ANXA3: variants seen among roughly 807,000 people sequenced by gnomAD.
The protein encoded by ANXA3 is 35-alpha calcimedin.
A neutral mutation model predicts 48.8 loss-of-function variants in ANXA3; 46 were observed. That is an observed-to-expected ratio of 0.94 (90% CI 0.74 to 1.21). The LOEUF is 1.21. Ranked by LOEUF, ANXA3 falls within the 50% of genes most tolerant of loss-of-function variation. The pLI, the probability that ANXA3 is intolerant of heterozygous loss-of-function variation, is 0.00. For synonymous variants in ANXA3, 128 were observed against 134.7 expected (o/e 0.95, Z 0.35); for missense variants, 383 against 378.6 (o/e 1.01, Z -0.10).
chr4:78,607,345 G>T (rs1723669193), intron 12 of ANXA3, among the ~76,000 whole-genome samples: 1 of 152,086 alleles, frequency 6.6e-6, no homozygotes, highest in South Asian at 2.1e-4. Context: ...GTTCCATTTT[G>T]CATATCATCT....
intron 2 of ANXA3, among the ~76,000 whole-genome samples, chr4:78,559,215 G>A (rs1427006444): frequency 6.6e-6 from 1 of 152,008 alleles, no homozygotes; most frequent in African/African-American, 2.4e-5. Context: ...GAGTAGGTGG[G>A]ACCACAGGCA....
Position 78,595,379 on chromosome 4 carries a change from A to C in ANXA3, c.484-2A>C. 1 of 1,613,824 alleles carries C rather than the reference A, an allele frequency of 6.2e-7. No homozygotes were observed. The highest frequency in any genetic ancestry group is 8.5e-7 in the Non-Finnish European group (1 of 1,179,850). ...GGCCCTTGTTTTCGTCCTCCTGTTT[A>C]GGGCAGAAGAGATGAAAGTCTGAAA... On this transcript the variant is annotated splice_acceptor_variant, in intron 7 of 12. Coordinates refer to ENST00000264908, the MANE Select transcript of ANXA3 (RefSeq NM_005139.3). LOFTEE classifies it high-confidence loss of function.
chr4:78,568,796 G>A (rs1424606250), intron 2 of ANXA3, among the ~76,000 whole-genome samples: 3 of 152,194 alleles, frequency 2.0e-5, no homozygotes, highest in Non-Finnish European at 4.4e-5. Flanking sequence ...AAGGTGTCAT[G>A]TGCTAAGGCT....
chr4:78,580,360 G>T (rs555411547), intron 4 of ANXA3, among the ~76,000 whole-genome samples: 53 of 152,164 alleles, frequency 3.5e-4, no homozygotes, highest in Non-Finnish European at 6.5e-4. Flanking sequence ...GAATATGTGA[G>T]AAATAAAGAA....
chr4:78,592,767 A>G (rs1004456610), intron 7 of ANXA3, among the ~76,000 whole-genome samples: 9 of 152,138 alleles, frequency 5.9e-5, no homozygotes, highest in Non-Finnish European at 1.0e-4. Context: ...AGAGAAAGAG[A>G]GAGTATGTGA....
At chr4:78,570,011 G>T (rs1244987490) in intron 2 of ANXA3, among the ~76,000 whole-genome samples, 27 of 152,172 alleles carry the variant, frequency 1.8e-4, no homozygotes, top group Admixed American at 1.8e-3. Flanking sequence ...ATTAATCTTT[G>T]ATTGTAAGAT....
intron 2 of ANXA3, among the ~76,000 whole-genome samples, chr4:78,561,218 T>C (rs1484696874): frequency 6.6e-6 from 1 of 152,118 alleles, no homozygotes; most frequent in African/African-American, 2.4e-5. Context: ...CAAGTGTTCA[T>C]GGTGAGAGAA....
chr4:78,576,212 T>C (rs1722949855), intron 3 of ANXA3, among the ~76,000 whole-genome samples: 1 of 152,232 alleles, frequency 6.6e-6, no homozygotes, highest in Non-Finnish European at 1.5e-5. Context: ...ATATTAGAAC[T>C]TTATATCAAT....
chr4:78,568,514 T>G (rs1458646262), intron 2 of ANXA3, among the ~76,000 whole-genome samples: 7 of 152,226 alleles, frequency 4.6e-5, no homozygotes, highest in African/African-American at 1.4e-4. Context: ...GTGATCTGGC[T>G]TCACCGCATC....
At chr4:78,554,857 T>C (rs1281277470) in intron 2 of ANXA3, among the ~76,000 whole-genome samples, 1 of 152,214 alleles carries the variant, frequency 6.6e-6, no homozygotes, top group African/African-American at 2.4e-5. Flanking sequence ...GTATTCCTTT[T>C]TCTCCTTACA....
At chr4:78,576,923 G>A (rs1214540489) in intron 3 of ANXA3, among the ~76,000 whole-genome samples, 2 of 152,184 alleles carry the variant, frequency 1.3e-5, no homozygotes, top group East Asian at 3.8e-4. Context: ...CATAACTGCA[G>A]GTAGTTTGGT....
At chr4:78,597,065 C>T in intron 9 of ANXA3, 1 of 348,394 alleles carries the variant, frequency 2.9e-6, no homozygotes, top group Non-Finnish European at 5.2e-6. Flanking sequence ...AAAATGCTTA[C>T]TGCTTGAGAG....
intron 11 of ANXA3, chr4:78,603,080 A>C (rs1723577219): frequency 6.6e-6 from 1 of 151,958 alleles, no homozygotes; most frequent in Non-Finnish European, 1.5e-5. Context: ...CCTTTCAGTC[A>C]CTCTCCATGC....
chr4:78,578,495 C>A (rs1303672500), intron 3 of ANXA3, among the ~76,000 whole-genome samples: 1 of 152,126 alleles, frequency 6.6e-6, no homozygotes, highest in Non-Finnish European at 1.5e-5. Context: ...TGCTGGACCA[C>A]TCAGCAGTTG....
chr4:78,586,449 G>C, intron 6 of ANXA3, 99 bp downstream of exon 6: 8 of 831,906 alleles, frequency 9.6e-6, no homozygotes, highest in Non-Finnish European at 1.5e-5. Flanking sequence ...GGCATTTTGA[G>C]AAGACAAGAC....
At chr4:78,568,773 A>G (rs1722781895) in intron 2 of ANXA3, among the ~76,000 whole-genome samples, 1 of 152,194 alleles carries the variant, frequency 6.6e-6, no homozygotes, top group Middle Eastern at 3.2e-3. Context: ...CAGCTTGGCC[A>G]AGCAGTGGCT....
At chr4:78,571,876 C>A (rs1056826444) in intron 2 of ANXA3, among the ~76,000 whole-genome samples, 4 of 152,142 alleles carry the variant, frequency 2.6e-5, no homozygotes. Flanking sequence ...TACTTCCTTG[C>A]AATTCCTGAA....
intron 7 of ANXA3, among the ~76,000 whole-genome samples, chr4:78,593,652 T>TATTATTA (rs1723352661): frequency 1.3e-5 from 2 of 150,762 alleles, no homozygotes; most frequent in African/African-American, 4.9e-5. Context: ...TTATTATTAT[T>TATTATTA]TTGAGACAGG....
chr4:78,600,967 A>G (rs17003386), intron 10 of ANXA3, among the ~76,000 whole-genome samples: 4,344 of 152,174 alleles, frequency 0.029, 218 homozygotes, highest in African/African-American at 0.099. Context: ...AATTTAGATG[A>G]CAGATACTTG....
Sources: gnomAD v4.1 joint callset for allele counts (sites outside exome capture counted in the v4.1 genomes callset) on GRCh38, gnomAD v4.1.1 for gene constraint, MANE v1.5 for transcripts, NCBI Gene and HGNC (gene_info 2026-07-23, HGNC 2026-07-21) for gene names.